The following CFAP54 variants were observed in gnomAD, a reference collection of about 807,000 sequenced individuals.
CFAP54 encodes cilia- and flagella-associated protein 54.
Under a neutral mutation model 370.4 loss-of-function variants are expected in CFAP54, and 290 were observed. The observed-to-expected ratio is 0.78, with a 90% CI of 0.71 to 0.86. The LOEUF (loss-of-function observed/expected upper bound fraction) is 0.86, where lower values mean the gene tolerates loss of function less well. Ranked by LOEUF, CFAP54 falls within the 40% of genes least tolerant of loss-of-function variation. CFAP54 has a pLI of 0.00. For missense variants in CFAP54, 3,399 were observed against 3,528.7 expected (o/e 0.96, Z 0.93); for synonymous variants, 1,206 against 1,236.5 (o/e 0.98, Z 0.52).
Position 96,693,719 on chromosome 12 carries a change from T to A in CFAP54, c.6265-3T>A. ...GAAACAAAGAGTGTTTTTCTCCTGA[T>A]AGGTTCTGCCTCTCCTTGCATTGTA... On this transcript the variant is annotated splice_polypyrimidine_tract_variant and splice_region_variant and intron_variant, in intron 44 of 67. Transcript: ENST00000524981. 6.4e-7 allele frequency: 1 copy of A among 1,554,336 alleles called. No homozygotes were observed. Among genetic ancestry groups the A allele is most frequent in the Non-Finnish European group, 8.8e-7 (1 of 1,136,636 alleles).
At chr12:96,697,504 T>C (rs1295073431) in intron 45 of CFAP54, among the ~76,000 whole-genome samples, 4 of 152,188 alleles carry the variant, frequency 2.6e-5, no homozygotes, top group Non-Finnish European at 4.4e-5. Context: ...TTCTTATTAA[T>C]AATATTTTCC....
chr12:96,590,616 C>CT (rs1461241595), intron 23 of CFAP54, among the ~76,000 whole-genome samples: 5 of 152,132 alleles, frequency 3.3e-5, no homozygotes, highest in African/African-American at 1.2e-4. Context: ...ATGCTATGTG[C>CT]TATGGGGGTA....
chr12:96,530,211 G>C (rs192237921), intron 9 of CFAP54, among the ~76,000 whole-genome samples: 9 of 152,164 alleles, frequency 5.9e-5, no homozygotes, highest in Middle Eastern at 3.4e-3. Flanking sequence ...TTCACTTGGC[G>C]GGGTACCATG....
In CFAP54 at chr12:96,753,730, G is replaced by T; in HGVS notation, c.7685-13G>T. 6.2e-7 allele frequency: 1 copy of T among 1,610,252 alleles called. No homozygotes were observed. The highest frequency in any genetic ancestry group is 2.2e-5 in the East Asian group (1 of 44,776). On this transcript the variant is annotated splice_polypyrimidine_tract_variant and intron_variant, in intron 55 of 67. Coordinates refer to ENST00000524981, the MANE Select transcript of CFAP54 (RefSeq NM_001306084.2). ...TTTTTTTGTTCTTCCCCACCGAACT[G>T]TTTTTCTTTTAGGACATACAGTGGC... is the stretch of plus-strand genomic sequence containing the variant.
chr12:96,761,055 G>C (rs1173997324), intron 58 of CFAP54, among the ~76,000 whole-genome samples: 1 of 152,170 alleles, frequency 6.6e-6, no homozygotes, highest in Non-Finnish European at 1.5e-5. Context: ...GTTTTCAAAG[G>C]TGGCTCTACC....
At chr12:96,809,942 A>G (rs1016804774) in intron 63 of CFAP54, among the ~76,000 whole-genome samples, 5 of 152,116 alleles carry the variant, frequency 3.3e-5, no homozygotes, top group Non-Finnish European at 7.4e-5. Context: ...CTTAATTCCA[A>G]TGTTTTTAGT....
intron 66 of CFAP54, among the ~76,000 whole-genome samples, chr12:96,846,439 T>G (rs1184399694): frequency 1.3e-5 from 2 of 152,220 alleles, no homozygotes; most frequent in African/African-American, 2.4e-5. Flanking sequence ...TTTGGGACCC[T>G]TTATTAGCTC....
intron 60 of CFAP54, among the ~76,000 whole-genome samples, chr12:96,776,983 T>C (rs1365314807): frequency 6.6e-5 from 10 of 152,234 alleles, no homozygotes; most frequent in Admixed American, 6.5e-4. Flanking sequence ...TCTAAATCGT[T>C]ACTTCAAAAC....
intron 5 of CFAP54, among the ~76,000 whole-genome samples, chr12:96,517,214 C>T (rs1200457020): frequency 6.6e-6 from 1 of 152,098 alleles, no homozygotes. Context: ...TGTCAGGGCT[C>T]CTCTGTGTAG....
Position 96,504,001 on chromosome 12 carries a change from G to T in CFAP54, c.539G>T (p.Gly180Val), listed in dbSNP as rs1460378967. 2.0e-6 allele frequency: 3 copies of T among 1,520,602 alleles called. No homozygotes were observed. The highest frequency in any genetic ancestry group is 1.7e-4 in the Middle Eastern group (1 of 5,932). 94.2% of individuals were successfully genotyped at this position (1,520,602 alleles called of 1,614,324 possible). Residue 180 changes from glycine to valine, a missense_variant, in exon 3 of 68, where the codon GGC (glycine) becomes GTC (valine). Around this residue, in one of 3 missense-constraint regions of CFAP54, gnomAD observed 559 missense variants for 576.7 expected, o/e 0.97. Coordinates refer to ENST00000524981, the MANE Select transcript of CFAP54 (RefSeq NM_001306084.2). ...TQFKATFFPK[G>V]FKDKTAGLTF... is the part of the protein sequence containing the mutation. ...TTCAAAGCTACCTTTTTCCCAAAAG[G>T]CTTTAAAGATAAAACTGCTGGACTT... is the stretch of plus-strand genomic sequence containing the variant.
At chr12:96,764,098 T>A (rs1958369409) in intron 58 of CFAP54, 53 bp from the exon 59 acceptor site, 1 of 1,176,048 alleles carries the variant, frequency 8.5e-7, no homozygotes, top group South Asian at 1.3e-5. Context: ...CTTCAGAAGA[T>A]GAGAAGAGTT....
At chr12:96,872,472 T>C (rs1960195328) in intron 67 of CFAP54, among the ~76,000 whole-genome samples, 1 of 152,194 alleles carries the variant, frequency 6.6e-6, no homozygotes, top group Non-Finnish European at 1.5e-5. Context: ...GTGGAGACCA[T>C]GTAAACACTG....
chr12:96,546,319 T>G (rs1033595802), intron 14 of CFAP54, among the ~76,000 whole-genome samples: 1 of 152,230 alleles, frequency 6.6e-6, no homozygotes, highest in African/African-American at 2.4e-5. Flanking sequence ...CACAGAAATC[T>G]GTGTTGATTG....
intron 46 of CFAP54, among the ~76,000 whole-genome samples, chr12:96,704,191 G>A (rs1592716709): frequency 6.6e-6 from 1 of 151,884 alleles, no homozygotes; most frequent in Admixed American, 6.6e-5. Flanking sequence ...ACTTTGGGAG[G>A]CTGAGGCGGG....
intron 30 of CFAP54, among the ~76,000 whole-genome samples, chr12:96,628,597 T>G (rs193185766): frequency 1.4e-4 from 22 of 152,256 alleles, no homozygotes; most frequent in South Asian, 1.2e-3. Flanking sequence ...CCAAGTCCCT[T>G]ATGGTCATTG....
intron 39 of CFAP54, among the ~76,000 whole-genome samples, chr12:96,664,759 A>ATATCTATATCTATATCTATATC (rs1957053259): frequency 3.8e-5 from 1 of 26,134 alleles, no homozygotes; most frequent in Non-Finnish European, 6.5e-5. Flanking sequence ...ATATATCTAT[A>ATATCTATATCTATATCTATATC]TATATCTATA....
rs1231913111 is a variant in CFAP54 at position 96,544,221 on chromosome 12, C to T, written c.2077+3234C>T. On this transcript the variant is annotated intron_variant, in intron 14 of 67. Coordinates refer to ENST00000524981, the MANE Select transcript of CFAP54 (RefSeq NM_001306084.2). ...TTATTGTTGTCCGCAGTTCCTGGCT[C>T]ATGACTCCCTAGTTCTTATTTCCTA... Among the ~76,000 whole-genome samples, 3 of 20,556 alleles carry T rather than the reference C, an allele frequency of 1.5e-4. No individual in the cohort carries two copies. In the East Asian group the frequency reaches 0.068, roughly 467 times the overall value. 13.5% of individuals were successfully genotyped at this position (20,556 alleles called of 152,430 possible).
intron 4 of CFAP54, among the ~76,000 whole-genome samples, chr12:96,507,538 C>G (rs1592820060): frequency 7.3e-6 from 1 of 136,624 alleles, no homozygotes; most frequent in South Asian, 2.5e-4. Context: ...CACACATACA[C>G]ACACACACAC....
intron 2 of CFAP54, 194 bp downstream of exon 2, chr12:96,501,133 C>T (rs1955020875): frequency 4.4e-6 from 2 of 452,602 alleles, no homozygotes; most frequent in South Asian, 2.8e-5. Context: ...TTGAGATTTC[C>T]CAGAGGTGAG....
Sources: gnomAD v4.1 joint callset for allele counts (sites outside exome capture counted in the v4.1 genomes callset) on GRCh38, gnomAD v4.1.1 for gene constraint, gnomAD v4.1.1 regional missense constraint, MANE v1.5 for transcripts, NCBI Gene and HGNC (gene_info 2026-07-23, HGNC 2026-07-21) for gene names.